The following MAN1A1 variants were observed in gnomAD, a reference collection of about 807,000 sequenced individuals.
MAN1A1 encodes the protein mannosyl-oligosaccharide 1,2-alpha-mannosidase IA.
A neutral mutation model predicts 70.8 loss-of-function variants in MAN1A1; 29 were observed. That is an observed-to-expected ratio of 0.41 (90% CI 0.31 to 0.56). MAN1A1 has a LOEUF of 0.56. Among genes scored for constraint, MAN1A1 ranks in the 20% least tolerant of loss-of-function variants. MAN1A1 has a pLI of 0.29. For missense variants in MAN1A1, 747 were observed against 841.3 expected, an observed-to-expected ratio of 0.89 and a Z score of 1.39; for synonymous variants, 349 against 330.1, an observed-to-expected ratio of 1.06 and a Z score of -0.62.
At chr6:119,291,798 T>C (rs1273805970) in intron 4 of MAN1A1, among the ~76,000 whole-genome samples, 2 of 152,054 alleles carry the variant, frequency 1.3e-5, no homozygotes, top group African/African-American at 4.8e-5. Context: ...ATAATAATCA[T>C]GTATGTTATA....
In MAN1A1 at chr6:119,214,889, C is replaced by G. The variant is rs146410199; in HGVS notation, c.993-10007G>C. ...ATAAATGAATGCTGACACAAGAAAA[C>G]TGTTAACTTTTGGAAACTGTATTTT... On this transcript the variant is annotated intron_variant, in intron 6 of 12. Coordinates refer to ENST00000368468, the MANE Select transcript of MAN1A1 (RefSeq NM_005907.4). 3.5e-3 allele frequency among the ~76,000 whole-genome samples: 528 copies of G among 152,242 alleles called. 2 individuals carry two copies. Among genetic ancestry groups the G allele is most frequent in the African/African-American group, 0.012 (501 of 41,540 alleles).
At chr6:119,185,528 G>A (rs1434513738) in intron 11 of MAN1A1, among the ~76,000 whole-genome samples, 1 of 152,154 alleles carries the variant, frequency 6.6e-6, no homozygotes, top group African/African-American at 2.4e-5. Context: ...GTGACTCAAC[G>A]GTAGCAAATG....
chr6:119,228,225 A>G (rs1774573974), intron 6 of MAN1A1, among the ~76,000 whole-genome samples: 1 of 152,186 alleles, frequency 6.6e-6, no homozygotes, highest in Non-Finnish European at 1.5e-5. Flanking sequence ...TCAATAACTT[A>G]ACTGAAGAAA....
chr6:119,279,008 A>T (rs1195709423), intron 5 of MAN1A1, among the ~76,000 whole-genome samples: 2 of 152,150 alleles, frequency 1.3e-5, no homozygotes, highest in Non-Finnish European at 2.9e-5. Flanking sequence ...ATTCTTTTAT[A>T]GCAATACAAA....
chr6:119,288,445 C>G (rs1320684053), intron 5 of MAN1A1, among the ~76,000 whole-genome samples: 2 of 151,846 alleles, frequency 1.3e-5, no homozygotes, highest in African/African-American at 2.4e-5. Flanking sequence ...TGTTGGTGTT[C>G]TATTAAATGA....
chr6:119,228,874 G>A (rs1774595220), intron 6 of MAN1A1, among the ~76,000 whole-genome samples: 1 of 152,126 alleles, frequency 6.6e-6, no homozygotes, highest in South Asian at 2.1e-4. Context: ...GTAACTCTGT[G>A]TGACCCTCCC....
At chr6:119,314,990 G>T (rs1435320387) in intron 2 of MAN1A1, among the ~76,000 whole-genome samples, 1 of 152,152 alleles carries the variant, frequency 6.6e-6, no homozygotes, top group Admixed American at 6.5e-5. Context: ...CCAAGCTGCT[G>T]TCTACAGCTC....
At chr6:119,190,966 T>C (rs1279594210) in intron 9 of MAN1A1, among the ~76,000 whole-genome samples, 1 of 152,120 alleles carries the variant, frequency 6.6e-6, no homozygotes, top group Non-Finnish European at 1.5e-5. Context: ...GAGAGAGGGA[T>C]TTGTTAGGAA....
chr6:119,290,698 A>G lies in MAN1A1; in HGVS notation c.882T>C (p.Tyr294=). 6.2e-7 allele frequency: 1 copy of G among 1,610,596 alleles called. No homozygotes were observed. Among genetic ancestry groups the G allele is most frequent in the Non-Finnish European group, 8.5e-7 (1 of 1,177,722 alleles). The change falls in exon 5 of 13, where the codon TAT becomes TAC. Residue 294 remains tyrosine, a synonymous_variant. Coordinates refer to ENST00000368468, the MANE Select transcript of MAN1A1 (RefSeq NM_005907.4). ...RFVGGLLSAY[Y]LSGEEIFRKK... The stretch of plus-strand genomic sequence containing the variant: ...TTCATCTTACCTCTTCTCCAGACAG[A>G]TAGTAGGCTGAGAGTAGTCCACCAA...
chr6:119,250,385 C>T (rs1440733458), intron 5 of MAN1A1, among the ~76,000 whole-genome samples: 1 of 152,210 alleles, frequency 6.6e-6, no homozygotes, highest in Non-Finnish European at 1.5e-5. Flanking sequence ...ACTGGGCAAT[C>T]TTGTACAACT....
At chr6:119,238,353 G>A (rs1774912854) in intron 6 of MAN1A1, among the ~76,000 whole-genome samples, 1 of 152,122 alleles carries the variant, frequency 6.6e-6, no homozygotes, top group Non-Finnish European at 1.5e-5. Flanking sequence ...TAGATTAATT[G>A]ACCTTTGAAA....
intron 2 of MAN1A1, among the ~76,000 whole-genome samples, chr6:119,324,469 A>G (rs902700083): frequency 6.6e-6 from 1 of 152,146 alleles, no homozygotes; most frequent in Non-Finnish European, 1.5e-5. Context: ...TGGTGCCCCA[A>G]TCCCTGCATT....
At chr6:119,345,010 G>A (rs2114513743) in intron 2 of MAN1A1, among the ~76,000 whole-genome samples, 1 of 152,238 alleles carries the variant, frequency 6.6e-6, no homozygotes, top group Non-Finnish European at 1.5e-5. Flanking sequence ...AGGTTGGTGA[G>A]GATTCCAGCC....
intron 11 of MAN1A1, 92 bp from the exon 12 acceptor site, chr6:119,180,519 AT>A (rs68020138): frequency 0.094 from 49,956 of 533,172 alleles, 199 homozygotes; most frequent in Non-Finnish European, 0.11. Context: ...CAGATAAAAC[AT>A]TTTTTTTTTT....
chr6:119,256,513 T>G (rs890943035), intron 5 of MAN1A1, among the ~76,000 whole-genome samples: 2 of 151,362 alleles, frequency 1.3e-5, no homozygotes, highest in African/African-American at 4.9e-5. Flanking sequence ...AAATGGGGAA[T>G]GCTGGGAAGA....
chr6:119,349,728 G>T lies in MAN1A1; in HGVS notation c.-409C>A. The T allele has an allele frequency of 2.0e-6, 2 of 985,616 alleles. No individual in the cohort carries two copies. Among genetic ancestry groups the T allele is most frequent in the Non-Finnish European group, 2.4e-6 (2 of 830,054 alleles). 61.1% of individuals were successfully genotyped at this position (985,616 alleles called of 1,614,324 possible). On this transcript the variant is annotated 5_prime_UTR_variant, in exon 1 of 13. In the 5' UTR this introduces an upstream ATG that the reference lacks. Coordinates refer to ENST00000368468, the MANE Select transcript of MAN1A1 (RefSeq NM_005907.4). The stretch of plus-strand genomic sequence containing the variant: ...CGGGCGAATGGCAGCGAGTAGAGCA[G>T]CACGGTACACTCCGCCGCGGCCCCG...
intron 2 of MAN1A1, among the ~76,000 whole-genome samples, chr6:119,309,160 A>G (rs886667698): frequency 1.3e-5 from 2 of 152,216 alleles, no homozygotes; most frequent in East Asian, 3.8e-4. Context: ...CAGCAATTAT[A>G]AAGAGGAACA....
At chr6:119,325,303 A>T (rs1773117266) in intron 2 of MAN1A1, among the ~76,000 whole-genome samples, 2 of 152,092 alleles carry the variant, frequency 1.3e-5, no homozygotes, top group Non-Finnish European at 2.9e-5. Flanking sequence ...TAACTTTTAC[A>T]CTATACCTGC....
chr6:119,340,658 GTGTTA>G (rs1316149233), intron 2 of MAN1A1, among the ~76,000 whole-genome samples: 3 of 152,194 alleles, frequency 2.0e-5, no homozygotes, highest in Admixed American at 6.5e-5. Context: ...TAGCAATGCT[GTGTTA>G]TTAAACCACC....
Sources: gnomAD v4.1 joint callset for allele counts (sites outside exome capture counted in the v4.1 genomes callset) on GRCh38, gnomAD v4.1.1 for gene constraint, MANE v1.5 for transcripts, NCBI Gene and HGNC (gene_info 2026-07-23, HGNC 2026-07-21) for gene names.